Variants in RNF225 observed in about 807,000 individuals in gnomAD.
RNF225 encodes ring finger protein 225.
For missense variants in RNF225, 510 were observed against 509.8 expected, an observed-to-expected ratio of 1.00 and a Z score of 0.00; for synonymous variants, 295 against 260.4, an observed-to-expected ratio of 1.13 and a Z score of -1.28.
rs2122170219 is a variant in RNF225, at chr19:58,396,296, G to A, written c.207G>A (p.Ser69=). 1 of 1,535,910 alleles carries A rather than the reference G, an allele frequency of 6.5e-7. No individual in the cohort carries two copies. Among genetic ancestry groups the A allele is most frequent in the Non-Finnish European group, 8.7e-7 (1 of 1,146,852 alleles). ...ASPVECLICV[S]SFDGVFKLPK... ...CGGTGGAGTGCCTCATCTGCGTGTC[G>A]TCCTTCGACGGCGTGTTCAAGCTGC... Residue 69 remains serine (S), a synonymous_variant, in exon 1 of 1, where the codon TCG becomes TCA. Coordinates refer to ENST00000601382, the MANE Select transcript of RNF225 (RefSeq NM_001195135.2).
At position 58,396,443 on chromosome 19, in the gene RNF225, C is replaced by CCCCCGCCGCGGACT; in HGVS notation, c.361_374dup (p.Leu126AlafsTer?). On this transcript the variant is annotated frameshift_variant, in exon 1 of 1. Transcript: ENST00000601382. LOFTEE classifies it low-confidence loss of function (END_TRUNC). ...TGTGCCGCGCGCCCACGCGCCTGGC[C>CCCCCGCCGCGGACT]CCCCGCCGCGGACTCCCCGCGTTGC... 7.0e-7 allele frequency: 1 copy of CCCCCGCCGCGGACT among 1,426,916 alleles called. No homozygotes were observed. Among genetic ancestry groups the CCCCCGCCGCGGACT allele is most frequent in the South Asian group, 1.5e-5 (1 of 68,072 alleles). The allele number at this position is 1,426,916 out of a possible 1,614,324, so 88.4% of individuals were successfully genotyped here.
At position 58,396,282 on chromosome 19, in the gene RNF225, C is replaced by G. The variant is rs1414547686; in HGVS notation, c.193C>G (p.Leu65Val). The change falls in exon 1 of 1, where the codon CTC becomes GTC. Residue 65 changes from leucine to valine, a missense_variant. Physicochemically the swap from Leu to Val is conservative, Grantham distance 32. Transcript: ENST00000601382. Reference protein sequence around the residue: ...ILPPASPVECLICVSSFDGVF... With the variant: ...ILPPASPVECVICVSSFDGVF... ...GCCCCCCGCCTCCCCGGTGGAGTGCCTCATCTGCGTGTCGTCCTTCGACGG... is the reference window on the plus strand; with the variant it reads ...GCCCCCCGCCTCCCCGGTGGAGTGCGTCATCTGCGTGTCGTCCTTCGACGG... 12 of 1,536,000 alleles carry G rather than the reference C, an allele frequency of 7.8e-6. No homozygotes were observed. In the South Asian group the frequency reaches 1.2e-4, roughly 15 times the overall value.
chr19:58,396,762 C>T lies in RNF225; in HGVS notation c.673C>T (p.His225Tyr). ...CGTCTACATCTTCTTCCTCATCCCG[C>T]ACGCCACCTCCTCCGGCCCCCCGCG... Reference protein sequence around the residue: ...SGVYIFFLIPHATSSGPPRPQ... With the variant: ...SGVYIFFLIPYATSSGPPRPQ... Residue 225 changes from histidine to tyrosine, a missense_variant, in exon 1 of 1, where the codon CAC (histidine) becomes TAC (tyrosine). His to Tyr is a moderately conservative substitution (Grantham distance 83). Coordinates refer to ENST00000601382, the MANE Select transcript of RNF225 (RefSeq NM_001195135.2). 1 of 1,514,542 alleles carries T rather than the reference C, an allele frequency of 6.6e-7. No individual in the cohort carries two copies. Among genetic ancestry groups the T allele is most frequent in the Middle Eastern group, 1.7e-4 (1 of 5,854 alleles). The allele number at this position is 1,514,542 out of a possible 1,614,324, so 93.8% of individuals were successfully genotyped here.
Position 58,396,070 on chromosome 19 carries a change from C to T in RNF225, c.-20C>T, listed in dbSNP as rs965819249. ...CGCCTCCTTCCCTGCCTGACCTCCT[C>T]TCCTCCCAGGTCCATCCGGATGCCC... On this transcript the variant is annotated 5_prime_UTR_variant, in exon 1 of 1. Coordinates refer to ENST00000601382, the MANE Select transcript of RNF225 (RefSeq NM_001195135.2). The T allele has an allele frequency of 3.0e-5, 44 of 1,487,862 alleles. No individual in the cohort carries two copies. Among genetic ancestry groups the T allele is most frequent in the Admixed American group, 2.6e-4 (11 of 42,022 alleles). 92.2% of individuals were successfully genotyped at this position (1,487,862 alleles called of 1,614,324 possible).
Position 58,396,654 on chromosome 19 carries a change from T to C in RNF225, c.565T>C (p.Leu189=). Reference sequence around the variant, plus strand: ...CCTGGGCCGCCCGCTGTCGCGCCGCTTGTCGCTGGCCAGCCCGGCCTGGGT... The same window carrying C: ...CCTGGGCCGCCCGCTGTCGCGCCGCCTGTCGCTGGCCAGCCCGGCCTGGGT... ...LRLGRPLSRR[L]SLASPAWVFN... Residue 189 remains leucine (L), a synonymous_variant, in exon 1 of 1, where the codon TTG becomes CTG. Coordinates refer to ENST00000601382, the MANE Select transcript of RNF225 (RefSeq NM_001195135.2). 7.0e-7 allele frequency: 1 copy of C among 1,431,834 alleles called. No individual in the cohort carries two copies. The allele number at this position is 1,431,834 out of a possible 1,614,324, so 88.7% of individuals were successfully genotyped here.
rs917230132 is a variant in RNF225 at position 58,396,370 on chromosome 19, G to A, written c.281G>A (p.Arg94His). The change falls in exon 1 of 1, where the codon CGC (arginine) becomes CAC (histidine). Residue 94 changes from arginine (R) to histidine (H), a missense_variant. Transcript: ENST00000601382. Reference protein sequence around the residue: ...GHVFCLECLARLSLATAGGGN... With the variant: ...GHVFCLECLAHLSLATAGGGN... ...GTCTTCTGTCTCGAGTGCCTGGCGC[G>A]CCTATCGTTGGCCACGGCGGGCGGC... is the stretch of plus-strand genomic sequence containing the variant. 1.3e-6 allele frequency: 2 copies of A among 1,535,032 alleles called. No individual in the cohort carries two copies. Among genetic ancestry groups the A allele is most frequent in the Non-Finnish European group, 1.7e-6 (2 of 1,146,508 alleles).
chr19:58,396,885 C>T lies in RNF225; in HGVS notation c.796C>T (p.Pro266Ser), dbSNP rs2052404227. Residue 266 changes from proline (P) to serine (S), a missense_variant, in exon 1 of 1, where the codon CCC becomes TCC. Coordinates refer to ENST00000601382, the MANE Select transcript of RNF225 (RefSeq NM_001195135.2). ...SPWAPAWTPR[P>S]TGPDLDTALP... ...CTGGGCCCCCGCCTGGACGCCGCGC[C>T]CCACGGGCCCTGACCTGGACACGGC... The T allele has an allele frequency of 6.5e-7, 1 of 1,527,732 alleles. No homozygotes were observed. Among genetic ancestry groups the T allele is most frequent in the East Asian group, 2.5e-5 (1 of 39,980 alleles). 94.6% of individuals were successfully genotyped at this position (1,527,732 alleles called of 1,614,324 possible). A position where few individuals can be genotyped will look rare whatever the true frequency, so the allele number is the denominator to read the frequency against.
chr19:58,396,156 C>T lies in RNF225; in HGVS notation c.67C>T (p.Pro23Ser). 6.5e-7 allele frequency: 1 copy of T among 1,534,824 alleles called. No homozygotes were observed. The highest frequency in any genetic ancestry group is 8.7e-7 in the Non-Finnish European group (1 of 1,146,748). The change falls in exon 1 of 1, where the codon CCA (proline) becomes TCA (serine). Residue 23 changes from proline to serine, a missense_variant. Transcript: ENST00000601382. ...RAPQGSGPSSPGSLSAPRSPS... is the reference protein window; with the variant it reads ...RAPQGSGPSSSGSLSAPRSPS... ...CCCCCAGGGCTCGGGTCCCAGCTCC[C>T]CAGGCTCGCTCTCTGCGCCCCGCTC...
In RNF225 at chr19:58,396,864, G is replaced by A; in HGVS notation, c.775G>A (p.Ala259Thr). 1 of 1,524,772 alleles carries A rather than the reference G, an allele frequency of 6.6e-7. No individual in the cohort carries two copies. Among genetic ancestry groups the A allele is most frequent in the Non-Finnish European group, 8.8e-7 (1 of 1,142,856 alleles). The allele number at this position is 1,524,772 out of a possible 1,614,324, so 94.5% of individuals were successfully genotyped here. A position where few individuals can be genotyped will look rare whatever the true frequency, so the allele number is the denominator to read the frequency against. ...PPRPPPGSPWAPAWTPRPTGP... is the reference protein window; with the variant it reads ...PPRPPPGSPWTPAWTPRPTGP... The stretch of plus-strand genomic sequence containing the variant: ...GAGGCCCCCGCCGGGGTCGCCCTGG[G>A]CCCCCGCCTGGACGCCGCGCCCCAC... Residue 259 changes from alanine (A) to threonine (T), a missense_variant, in exon 1 of 1, where the codon GCC becomes ACC. Physicochemically the swap from Ala to Thr is moderately conservative, Grantham distance 58. Coordinates refer to ENST00000601382, the MANE Select transcript of RNF225 (RefSeq NM_001195135.2).
chr19:58,396,833 T>TCCGCCGAGGCCC lies in RNF225; in HGVS notation c.751_762dup (p.Arg251_Pro254dup). ...CTCCAGCGCCTGGCTTCTCTTGGTT[T>TCCGCCGAGGCCC]CCGCCGAGGCCCCCGCCGGGGTCGC... On this transcript the variant is annotated inframe_insertion, in exon 1 of 1. Transcript: ENST00000601382. 1 of 1,519,304 alleles carries TCCGCCGAGGCCC rather than the reference T, an allele frequency of 6.6e-7. No individual in the cohort carries two copies. The highest frequency in any genetic ancestry group is 8.8e-7 in the Non-Finnish European group (1 of 1,140,924). The allele number at this position is 1,519,304 out of a possible 1,614,324, so 94.1% of individuals were successfully genotyped here. A position where few individuals can be genotyped will look rare whatever the true frequency, so the allele number is the denominator to read the frequency against.
Position 58,396,995 on chromosome 19 carries a change from A to T in RNF225, c.906A>T (p.Arg302=). The change falls in exon 1 of 1, where the codon CGA becomes CGT. Residue 302 remains arginine, a synonymous_variant. Transcript: ENST00000601382. ...AGGCCGAGAGGACGCTGGACAGGCG[A>T]TCGGATGGCACGTGGGGCACAGAGG... ...PAEAERTLDR[R]SDGTWGTEAG... The T allele has an allele frequency of 6.5e-7, 1 of 1,534,106 alleles. No homozygotes were observed. The highest frequency in any genetic ancestry group is 8.7e-7 in the Non-Finnish European group (1 of 1,146,384).
Position 58,396,620 on chromosome 19 carries a change from G to A in RNF225, c.531G>A (p.Pro177=), listed in dbSNP as rs1415956151. 5.6e-6 allele frequency: 7 copies of A among 1,247,494 alleles called. No individual in the cohort carries two copies. Among genetic ancestry groups the A allele is most frequent in the Non-Finnish European group, 7.0e-6 (7 of 997,372 alleles). 77.3% of individuals were successfully genotyped at this position (1,247,494 alleles called of 1,614,324 possible). Residue 177 remains proline (P), a synonymous_variant, in exon 1 of 1, where the codon CCG becomes CCA. Coordinates refer to ENST00000601382, the MANE Select transcript of RNF225 (RefSeq NM_001195135.2). ...AGGCCCGCGCCCCGCCGCCCCCGCC[G>A]CCTCTGCGCCTGGGCCGCCCGCTGT... ...PRKARAPPPP[P]PLRLGRPLSR... is the part of the protein sequence containing the mutation.
At position 58,395,840 on chromosome 19, in the gene RNF225, T is replaced by C. The variant is rs2052394047; in HGVS notation, c.-250T>C. On this transcript the variant is annotated 5_prime_UTR_variant, in exon 1 of 1. Transcript: ENST00000601382. ...TCCGTGTTCAACTGCGGTCTGTCTC[T>C]CCGTTTCCAATTCAGGAACTGGTAC... 6.7e-6 allele frequency among the ~76,000 whole-genome samples: 1 copy of C among 150,270 alleles called. No individual in the cohort carries two copies. Among genetic ancestry groups the C allele is most frequent in the African/African-American group, 2.5e-5 (1 of 39,778 alleles).
Position 58,396,653 on chromosome 19 carries a change from C to T in RNF225, c.564C>T (p.Arg188=), listed in dbSNP as rs930179762. 9.4e-5 allele frequency: 135 copies of T among 1,431,624 alleles called. No individual in the cohort carries two copies. Among genetic ancestry groups the T allele is most frequent in the Non-Finnish European group, 1.2e-4 (127 of 1,099,518 alleles). The allele number at this position is 1,431,624 out of a possible 1,614,324, so 88.7% of individuals were successfully genotyped here. The change falls in exon 1 of 1, where the codon CGC becomes CGT. Residue 188 remains arginine, a synonymous_variant. Coordinates refer to ENST00000601382, the MANE Select transcript of RNF225 (RefSeq NM_001195135.2). ...GCCTGGGCCGCCCGCTGTCGCGCCG[C>T]TTGTCGCTGGCCAGCCCGGCCTGGG... ...PLRLGRPLSR[R]LSLASPAWVF...
At position 58,396,160 on chromosome 19, in the gene RNF225, G is replaced by C. The variant is rs369509157; in HGVS notation, c.71G>C (p.Gly24Ala). ...APQGSGPSSP[G>A]SLSAPRSPSR... ...CAGGGCTCGGGTCCCAGCTCCCCAG[G>C]CTCGCTCTCTGCGCCCCGCTCCCCA... The change falls in exon 1 of 1, where the codon GGC (glycine) becomes GCC (alanine). Residue 24 changes from glycine (G) to alanine (A), a missense_variant. Gly to Ala is a moderately conservative substitution (Grantham distance 60). Coordinates refer to ENST00000601382, the MANE Select transcript of RNF225 (RefSeq NM_001195135.2). 75 of 1,534,962 alleles carry C rather than the reference G, an allele frequency of 4.9e-5. No homozygotes were observed. In the Middle Eastern group the frequency reaches 5.3e-4, roughly 11 times the overall value.
rs755502106 is a variant in RNF225 at position 58,396,878 on chromosome 19, G to C, written c.789G>C (p.Thr263=). Residue 263 remains threonine, a synonymous_variant, in exon 1 of 1, where the codon ACG becomes ACC. Transcript: ENST00000601382. The part of the protein sequence containing the change: ...PPGSPWAPAW[T]PRPTGPDLDT... ...GGTCGCCCTGGGCCCCCGCCTGGAC[G>C]CCGCGCCCCACGGGCCCTGACCTGG... The C allele has an allele frequency of 1.3e-6, 2 of 1,526,796 alleles. No homozygotes were observed. Among genetic ancestry groups the C allele is most frequent in the Non-Finnish European group, 1.7e-6 (2 of 1,143,576 alleles). The allele number at this position is 1,526,796 out of a possible 1,614,324, so 94.6% of individuals were successfully genotyped here. A position where few individuals can be genotyped will look rare whatever the true frequency, so the allele number is the denominator to read the frequency against.
chr19:58,396,134 C>G lies in RNF225; in HGVS notation c.45C>G (p.Pro15=). ...RPFWLRHSRA[P]QGSGPSSPGS... ...TCTGGCTCCGCCATTCCCGGGCCCC[C>G]CAGGGCTCGGGTCCCAGCTCCCCAG... Residue 15 remains proline (P), a synonymous_variant, in exon 1 of 1, where the codon CCC becomes CCG. Coordinates refer to ENST00000601382, the MANE Select transcript of RNF225 (RefSeq NM_001195135.2). 1 of 1,533,076 alleles carries G rather than the reference C, an allele frequency of 6.5e-7. No individual in the cohort carries two copies. The highest frequency in any genetic ancestry group is 8.7e-7 in the Non-Finnish European group (1 of 1,145,952). 95.0% of individuals were successfully genotyped at this position (1,533,076 alleles called of 1,614,324 possible). A position where few individuals can be genotyped will look rare whatever the true frequency, so the allele number is the denominator to read the frequency against.
rs753816848 is a variant in RNF225, at chr19:58,396,046, G to A, written c.-44G>A. 8 of 1,465,218 alleles carry A rather than the reference G, an allele frequency of 5.5e-6. No individual in the cohort carries two copies. Among genetic ancestry groups the A allele is most frequent in the African/African-American group, 2.8e-5 (2 of 70,444 alleles). The allele number at this position is 1,465,218 out of a possible 1,614,324, so 90.8% of individuals were successfully genotyped here. ...CTCAGAACCCGCTCCAGGCTCCACC[G>A]CCTCCTTCCCTGCCTGACCTCCTCT... is the stretch of plus-strand genomic sequence containing the variant. On this transcript the variant is annotated 5_prime_UTR_variant, in exon 1 of 1. Coordinates refer to ENST00000601382, the MANE Select transcript of RNF225 (RefSeq NM_001195135.2).
Position 58,396,303 on chromosome 19 carries a change from G to C in RNF225, c.214G>C (p.Asp72His). 1 of 1,535,848 alleles carries C rather than the reference G, an allele frequency of 6.5e-7. No homozygotes were observed. The highest frequency in any genetic ancestry group is 2.0e-5 in the Admixed American group (1 of 51,002). ...VECLICVSSFDGVFKLPKRLD... is the reference protein window; with the variant it reads ...VECLICVSSFHGVFKLPKRLD... ...GTGCCTCATCTGCGTGTCGTCCTTC[G>C]ACGGCGTGTTCAAGCTGCCCAAGCG... is the stretch of plus-strand genomic sequence containing the variant. The change falls in exon 1 of 1, where the codon GAC becomes CAC. Residue 72 changes from aspartate (D) to histidine (H), a missense_variant. By Grantham distance (81) the Asp-to-His change is moderately conservative. Transcript: ENST00000601382.
Sources: allele counts gnomAD v4.1 joint callset (sites outside exome capture counted in the v4.1 genomes callset), GRCh38; gene constraint gnomAD v4.1.1; transcripts MANE v1.5; gene names NCBI Gene and HGNC (gene_info 2026-07-23, HGNC 2026-07-21).